Variants in CTBP2 observed in about 807,000 individuals in gnomAD.
The protein encoded by CTBP2 is C-terminal-binding protein 2.
A neutral mutation model predicts 80.3 loss-of-function variants in CTBP2; 30 were observed. The observed-to-expected ratio is 0.37, with a 90% CI of 0.28 to 0.51. CTBP2 has a LOEUF of 0.51. Ranked by LOEUF, CTBP2 falls within the 20% of genes least tolerant of loss-of-function variation. The pLI is 0.93. For missense variants in CTBP2, 1,212 were observed against 1,375.3 expected (o/e 0.88, Z 1.88); for synonymous variants, 594 against 587.4 (o/e 1.01, Z -0.16).
At chr10:124,999,301 G>A (rs1301074478) in intron 3 of CTBP2, 4 of 152,274 alleles carry the variant, frequency 2.6e-5, no homozygotes, top group African/African-American at 9.6e-5. Context: ...CCCAGCAAGG[G>A]GTGCCCAAGG....
At chr10:125,121,285 G>A (rs969254536) in intron 1 of CTBP2, among the ~76,000 whole-genome samples, 6 of 152,224 alleles carry the variant, frequency 3.9e-5, no homozygotes, top group Non-Finnish European at 5.9e-5. Context: ...CGCCTGGCAC[G>A]CCAGAGGCAC....
chr10:125,003,547 C>T lies in CTBP2; in HGVS notation c.1679-55G>A, dbSNP rs1011865626. The T allele has an allele frequency of 1.2e-4, 167 of 1,390,064 alleles. 1 individual carries two copies. The highest frequency in any genetic ancestry group is 6.0e-4 in the Middle Eastern group (3 of 5,036). The allele number at this position is 1,390,064 out of a possible 1,614,324, so 86.1% of individuals were successfully genotyped here. On this transcript the variant is annotated intron_variant, in intron 1 of 8. Coordinates refer to ENST00000309035, the MANE Select transcript of CTBP2 (RefSeq NM_022802.3). ...GGTGGGTGGCTGGGGCCACAGGGTG[C>T]GTGGAGGGGCAGCTCCCCACTCATC...
chr10:125,101,908 T>C (rs1226577208), intron 2 of CTBP2, among the ~76,000 whole-genome samples: 1 of 152,164 alleles, frequency 6.6e-6, no homozygotes, highest in Non-Finnish European at 1.5e-5. Flanking sequence ...ATACATTGCA[T>C]TGTGGTGAAG....
At chr10:125,148,899 G>C (rs1591095276) in intron 1 of CTBP2, among the ~76,000 whole-genome samples, 1 of 152,224 alleles carries the variant, frequency 6.6e-6, no homozygotes, top group East Asian at 1.9e-4. Context: ...TGCAAGTGGA[G>C]GAAAAAGAAT....
chr10:125,109,718 A>G (rs1851998293), intron 2 of CTBP2, among the ~76,000 whole-genome samples: 1 of 152,236 alleles, frequency 6.6e-6, no homozygotes, highest in South Asian at 2.1e-4. Flanking sequence ...GCCCTGTCAG[A>G]GCACTCCCAG....
chr10:125,140,892 C>A (rs1304537531), intron 1 of CTBP2, among the ~76,000 whole-genome samples: 2 of 151,982 alleles, frequency 1.3e-5, no homozygotes, highest in East Asian at 3.9e-4. Flanking sequence ...GCATACCCAG[C>A]ACTTTGGGAG....
intron 2 of CTBP2, among the ~76,000 whole-genome samples, chr10:125,068,943 C>T (rs918508925): frequency 5.3e-5 from 8 of 152,190 alleles, no homozygotes; most frequent in East Asian, 1.9e-4. Context: ...TCCTGACACG[C>T]GACCTTAGAC....
chr10:125,108,650 T>G (rs1275612738), intron 2 of CTBP2, among the ~76,000 whole-genome samples: 1 of 136,516 alleles, frequency 7.3e-6, no homozygotes, highest in South Asian at 2.2e-4. Context: ...TGGGGCCATG[T>G]GAGAATTCCA....
At chr10:125,145,968 C>A (rs543045908) in intron 1 of CTBP2, among the ~76,000 whole-genome samples, 1 of 151,574 alleles carries the variant, frequency 6.6e-6, no homozygotes, top group Non-Finnish European at 1.5e-5. Flanking sequence ...TTGTTGCCCA[C>A]GCTGGAGTGC....
At chr10:125,009,549 G>A (rs1001182754) in intron 1 of CTBP2, among the ~76,000 whole-genome samples, 1 of 152,200 alleles carries the variant, frequency 6.6e-6, no homozygotes, top group African/African-American at 2.4e-5. Flanking sequence ...TTAAGTGGCC[G>A]CTTTCTGCAA....
At chr10:125,120,574 A>G (rs1854150299) in intron 1 of CTBP2, among the ~76,000 whole-genome samples, 1 of 152,142 alleles carries the variant, frequency 6.6e-6, no homozygotes, top group Admixed American at 6.5e-5. Flanking sequence ...TTCTGCAGAG[A>G]CAGGGTTTCG....
chr10:125,110,346 C>T (rs768151113), intron 2 of CTBP2, among the ~76,000 whole-genome samples: 5 of 152,178 alleles, frequency 3.3e-5, no homozygotes, highest in Non-Finnish European at 7.3e-5. Context: ...TGGCTAAAGA[C>T]ATGCCGAAAT....
intron 2 of CTBP2, among the ~76,000 whole-genome samples, chr10:125,078,871 C>G (rs945724585): frequency 2.0e-5 from 3 of 151,916 alleles, no homozygotes; most frequent in African/African-American, 7.3e-5. Context: ...GGCACGGTGG[C>G]TCGTGCTTGT....
At chr10:125,054,008 C>T (rs376182449) in intron 2 of CTBP2, among the ~76,000 whole-genome samples, 118 of 152,226 alleles carry the variant, frequency 7.8e-4, no homozygotes, top group African/African-American at 2.6e-3. Flanking sequence ...AGCCACCCAC[C>T]GGTGACACAG....
intron 2 of CTBP2, among the ~76,000 whole-genome samples, chr10:125,074,641 G>A (rs76889149): frequency 0.013 from 1,940 of 152,312 alleles, 50 homozygotes; most frequent in South Asian, 0.11. Context: ...CACAGTGCCT[G>A]GCGAACACTG....
At chr10:125,119,560 A>G (rs1853962465) in intron 1 of CTBP2, among the ~76,000 whole-genome samples, 1 of 152,244 alleles carries the variant, frequency 6.6e-6, no homozygotes, top group Non-Finnish European at 1.5e-5. Flanking sequence ...AAAAATACTT[A>G]TAGGTCAAAT....
At chr10:125,044,704 G>C (rs1452000668) in intron 2 of CTBP2, among the ~76,000 whole-genome samples, 1 of 152,134 alleles carries the variant, frequency 6.6e-6, no homozygotes, top group Admixed American at 6.5e-5. Flanking sequence ...GATGTGCCAC[G>C]ATCGCACCTG....
At chr10:125,011,779 C>G (rs150557385) in intron 1 of CTBP2, among the ~76,000 whole-genome samples, 1 of 152,296 alleles carries the variant, frequency 6.6e-6, no homozygotes, top group African/African-American at 2.4e-5. Context: ...AGCTATTTCC[C>G]GGTTTGTAAT....
intron 1 of CTBP2, among the ~76,000 whole-genome samples, chr10:125,136,174 A>C (rs2136180517): frequency 6.6e-6 from 1 of 152,320 alleles, no homozygotes; most frequent in East Asian, 1.9e-4. Context: ...GATGAGAACG[A>C]AGGGGCTGGA....
Sources: allele counts gnomAD v4.1 joint callset (sites outside exome capture counted in the v4.1 genomes callset), GRCh38; gene constraint gnomAD v4.1.1; transcripts MANE v1.5; gene names NCBI Gene and HGNC (gene_info 2026-07-23, HGNC 2026-07-21).